Variants in PSG3 observed in about 807,000 individuals in gnomAD.
PSG3 encodes pregnancy-specific beta-1-glycoprotein 3.
Under a neutral mutation model 47.5 loss-of-function variants are expected in PSG3, and 61 were observed. That is an observed-to-expected ratio of 1.28 (90% CI 1.05 to 1.59). PSG3 has a LOEUF of 1.59. PSG3 is among the 40% of genes most tolerant of loss of function. The probability of loss-of-function intolerance (pLI) is 0.00; values close to 1 mark genes in which losing one functional copy is unlikely to be tolerated. For synonymous variants in PSG3, 263 were observed against 198.4 expected (o/e 1.33, Z -2.74); for missense variants, 756 against 524.0 (o/e 1.44, Z -4.32).
chr19:42,726,229 G>C (rs1327699681), intron 5 of PSG3, among the ~76,000 whole-genome samples: 1 of 152,130 alleles, frequency 6.6e-6, no homozygotes, highest in African/African-American at 2.4e-5. Flanking sequence ...TGTATGAGCA[G>C]GAACAAGACA....
intron 5 of PSG3, among the ~76,000 whole-genome samples, chr19:42,725,157 C>A (rs1343531993): frequency 6.6e-6 from 1 of 152,156 alleles, no homozygotes; most frequent in Non-Finnish European, 1.5e-5. Context: ...ATTGGTTCCA[C>A]TGTGTGTGGC....
intron 1 of PSG3, among the ~76,000 whole-genome samples, chr19:42,739,714 T>C (rs1047078845): frequency 1.5e-3 from 227 of 152,342 alleles, no homozygotes; most frequent in African/African-American, 5.2e-3. Context: ...CTGAGGACAG[T>C]GTTTCATGCC....
rs940705553 is a variant in PSG3 at position 42,740,462 on chromosome 19, G to C, written c.-78C>G. The stretch of plus-strand genomic sequence containing the variant: ...AACTTCCTGAGCATGGCTCTCAGCT[G>C]TGCTGTCCTTCCTCCTTCTGCGCTG... On this transcript the variant is annotated 5_prime_UTR_variant, in exon 1 of 7. Transcript: ENST00000327495. The C allele has an allele frequency of 3.1e-6, 5 of 1,612,014 alleles. No individual in the cohort carries two copies. Among genetic ancestry groups the C allele is most frequent in the Non-Finnish European group, 4.2e-6 (5 of 1,179,198 alleles).
chr19:42,732,877 C>A lies in PSG3; in HGVS notation c.616G>T (p.Gly206Cys). Residue 206 changes from glycine to cysteine, a missense_variant, in exon 3 of 7, where the codon GGT (glycine) becomes TGT (cysteine). Physicochemically the swap from Gly to Cys is radical, Grantham distance 159 (BLOSUM62 -3). Coordinates refer to ENST00000327495, the MANE Select transcript of PSG3 (RefSeq NM_021016.4). ...GGTCCTGCAGTGTACTTTGTGACAC[C>A]AAATAGAAAGAGGGTCCTTTTGTTT... ...SKNKRTLFLFGVTKYTAGPYE... is the reference protein window; with the variant it reads ...SKNKRTLFLFCVTKYTAGPYE... The A allele has an allele frequency of 1.9e-6, 3 of 1,614,076 alleles. No homozygotes were observed. The highest frequency in any genetic ancestry group is 1.7e-6 in the Non-Finnish European group (2 of 1,179,994).
intron 2 of PSG3, among the ~76,000 whole-genome samples, chr19:42,737,547 C>G (rs893528124): frequency 1.3e-5 from 2 of 152,146 alleles, no homozygotes; most frequent in Non-Finnish European, 2.9e-5. Context: ...GTTTTTTCCA[C>G]TGACTCTGAC....
At chr19:42,732,662 A>T (rs552106776) in intron 3 of PSG3, 122 bp downstream of exon 3, 1 of 1,608,442 alleles carries the variant, frequency 6.2e-7, no homozygotes, top group East Asian at 2.2e-5. Flanking sequence ...AGTCATGGCC[A>T]GGTTTGATGT....
At chr19:42,740,028 CT>C (rs1469524707) in intron 1 of PSG3, among the ~76,000 whole-genome samples, 1 of 151,876 alleles carries the variant, frequency 6.6e-6, no homozygotes, top group Non-Finnish European at 1.5e-5. Context: ...TCTCGGCTCA[CT>C]GCAATTTCTT....
At chr19:42,730,253 G>C (rs137953223) in intron 3 of PSG3, among the ~76,000 whole-genome samples, 197 bp from the exon 4 acceptor site, 20 of 152,286 alleles carry the variant, frequency 1.3e-4, no homozygotes, top group Non-Finnish European at 2.8e-4. Context: ...CTCTGTCTTA[G>C]GGAAGCACAG....
intron 2 of PSG3, among the ~76,000 whole-genome samples, chr19:42,737,742 C>T (rs576681685): frequency 6.6e-6 from 1 of 152,268 alleles, no homozygotes; most frequent in Admixed American, 6.5e-5. Flanking sequence ...CCAGACACAC[C>T]TCATGTGACC....
At chr19:42,739,411 C>G (rs1462363131) in intron 1 of PSG3, 9 of 305,490 alleles carry the variant, frequency 2.9e-5, no homozygotes, top group Non-Finnish European at 4.8e-5. Flanking sequence ...TCAGGGCATC[C>G]TTAGACTTCT....
At chr19:42,736,910 G>C (rs147973425) in intron 2 of PSG3, among the ~76,000 whole-genome samples, 1 of 152,132 alleles carries the variant, frequency 6.6e-6, no homozygotes, top group Admixed American at 6.5e-5. Context: ...CAGTGTTAGC[G>C]GGAAGGGAAC....
intron 2 of PSG3, among the ~76,000 whole-genome samples, chr19:42,737,997 A>G (rs759800817): frequency 6.6e-5 from 10 of 152,184 alleles, no homozygotes; most frequent in Non-Finnish European, 1.5e-4. Context: ...ATGCCTGTGG[A>G]CAAGCTGCTA....
intron 6 of PSG3, 41 bp downstream of exon 6, chr19:42,723,901 T>C (rs1044614685): frequency 3.3e-5 from 48 of 1,457,436 alleles, no homozygotes; most frequent in Middle Eastern, 1.7e-4. Flanking sequence ...GCATGGCAGT[T>C]AGCCCTGCAG....
rs193046093 is a variant in PSG3 at position 42,734,998 on chromosome 19, C to T, written c.431-1936G>A. Among the ~76,000 whole-genome samples the T allele has an allele frequency of 2.2e-4, 33 of 152,282 alleles. 1 individual carries two copies. The highest frequency in any genetic ancestry group is 8.5e-4 in the Admixed American group (13 of 15,296). ...CCAATGGTTTGTGTGTCTCCCCACA[C>T]GCAGAACTCCAACTTATGAAAACGG... On this transcript the variant is annotated intron_variant, in intron 2 of 6. Coordinates refer to ENST00000327495, the MANE Select transcript of PSG3 (RefSeq NM_021016.4).
At position 42,722,072 on chromosome 19, in the gene PSG3, G is replaced by A. The variant is rs1443704029; in HGVS notation, c.*59C>T. On this transcript the variant is annotated 3_prime_UTR_variant, in exon 7 of 7. Coordinates refer to ENST00000327495, the MANE Select transcript of PSG3 (RefSeq NM_021016.4). ...TGTAGCTGATGGTAAATACTTTGAG[G>A]AAGAATGAAAGCAACTGTCTGGGAA... 1.7e-5 allele frequency: 7 copies of A among 414,226 alleles called. No individual in the cohort carries two copies. Among genetic ancestry groups the A allele is most frequent in the Non-Finnish European group, 3.1e-5 (7 of 226,056 alleles). The allele number at this position is 414,226 out of a possible 1,614,324, so 25.7% of individuals were successfully genotyped here. A position where few individuals can be genotyped will look rare whatever the true frequency, so the allele number is the denominator to read the frequency against.
At position 42,724,011 on chromosome 19, in the gene PSG3, C is replaced by G; in HGVS notation, c.1258G>C (p.Gly420Arg). 7 of 1,611,906 alleles carry G rather than the reference C, an allele frequency of 4.3e-6. No individual in the cohort carries two copies. Among genetic ancestry groups the G allele is most frequent in the Non-Finnish European group, 5.9e-6 (7 of 1,178,026 alleles). Reference sequence around the variant, plus strand: ...AATGGATTAAGGCCAGGAAGATGTCCTGTTCCTGAAGGAGCTGTCATGGAA... The same window carrying G: ...AATGGATTAAGGCCAGGAAGATGTCGTGTTCCTGAAGGAGCTGTCATGGAA... Reference protein sequence around the residue: ...TVKVSAPSGTGHLPGLNPL With the variant: ...TVKVSAPSGTRHLPGLNPL Residue 420 changes from glycine to arginine, a missense_variant, in exon 6 of 7, where the codon GGA becomes CGA. By Grantham distance (125) the Gly-to-Arg change is moderately radical (BLOSUM62 -2). Transcript: ENST00000327495.
At chr19:42,731,151 C>G (rs1969467067) in intron 3 of PSG3, among the ~76,000 whole-genome samples, 1 of 152,142 alleles carries the variant, frequency 6.6e-6, no homozygotes, top group Admixed American at 6.5e-5. Flanking sequence ...TTCAGTTATT[C>G]AAGGTGGGGA....
intron 5 of PSG3, among the ~76,000 whole-genome samples, chr19:42,725,314 G>T (rs1182830846): frequency 6.6e-6 from 1 of 152,058 alleles, no homozygotes; most frequent in East Asian, 1.9e-4. Context: ...CATTAAAAAA[G>T]AAGAAAGATC....
At chr19:42,737,889 A>G (rs1969593104) in intron 2 of PSG3, among the ~76,000 whole-genome samples, 1 of 152,224 alleles carries the variant, frequency 6.6e-6, no homozygotes, top group South Asian at 2.1e-4. Context: ...ATGTTAAATG[A>G]TTCACAGTCA....
Sources: gnomAD v4.1 joint callset for allele counts (sites outside exome capture counted in the v4.1 genomes callset) on GRCh38, gnomAD v4.1.1 for gene constraint, MANE v1.5 for transcripts, NCBI Gene and HGNC (gene_info 2026-07-23, HGNC 2026-07-21) for gene names.